ZNF385B: variants seen among roughly 807,000 people sequenced by gnomAD.
ZNF385B encodes zinc finger protein 533.
A neutral mutation model predicts 39.2 loss-of-function variants in ZNF385B; 23 were observed. That is an observed-to-expected ratio of 0.59 (90% confidence interval 0.42 to 0.83). The LOEUF (loss-of-function observed/expected upper bound fraction) is 0.83. ZNF385B is among the 40% of genes least tolerant of loss of function. The pLI, the probability that ZNF385B is intolerant of heterozygous loss-of-function variation, is 0.00. For synonymous variants in ZNF385B, 205 were observed against 222.6 expected, an observed-to-expected ratio of 0.92 and a Z score of 0.70; for missense variants, 552 against 598.9, an observed-to-expected ratio of 0.92 and a Z score of 0.82.
intron 3 of ZNF385B, among the ~76,000 whole-genome samples, chr2:179,611,887 T>A (rs1689319179): frequency 6.6e-6 from 1 of 152,106 alleles, no homozygotes; most frequent in Non-Finnish European, 1.5e-5. Context: ...CTTTTCCACC[T>A]CTAATTTTAT....
intron 1 of ZNF385B, among the ~76,000 whole-genome samples, chr2:179,850,773 A>C (rs1253697112): frequency 6.6e-6 from 1 of 152,150 alleles, no homozygotes. Context: ...TCGTGCTTAT[A>C]ATAAGGCTTG....
intron 3 of ZNF385B, among the ~76,000 whole-genome samples, chr2:179,699,876 G>C (rs149263121): frequency 1.2e-3 from 179 of 152,254 alleles, no homozygotes; most frequent in African/African-American, 4.2e-3. Context: ...AATAAACGAG[G>C]AAGAAAGAGT....
intron 3 of ZNF385B, among the ~76,000 whole-genome samples, chr2:179,743,602 G>GA (rs1421672047): frequency 6.6e-6 from 1 of 152,004 alleles, no homozygotes; most frequent in African/African-American, 2.4e-5. Flanking sequence ...ACAATGCAAA[G>GA]AATCAGCACA....
At chr2:179,609,232 C>G (rs1417899386) in intron 3 of ZNF385B, among the ~76,000 whole-genome samples, 2 of 152,124 alleles carry the variant, frequency 1.3e-5, no homozygotes, top group African/African-American at 4.8e-5. Context: ...CTACCCTTCC[C>G]AGCCTCTGGT....
At chr2:179,644,138 A>G (rs1692509707) in intron 3 of ZNF385B, among the ~76,000 whole-genome samples, 1 of 152,132 alleles carries the variant, frequency 6.6e-6, no homozygotes, top group South Asian at 2.1e-4. Context: ...GTTTGCTTCC[A>G]GTTTGGCTTC....
chr2:179,496,039 C>T (rs1184843740), intron 5 of ZNF385B, among the ~76,000 whole-genome samples: 2 of 152,030 alleles, frequency 1.3e-5, no homozygotes, highest in Admixed American at 1.3e-4. Context: ...CAGTTTCAGA[C>T]ACAGAATTGT....
intron 1 of ZNF385B, among the ~76,000 whole-genome samples, chr2:179,787,065 T>C (rs1443181749): frequency 6.6e-6 from 1 of 152,268 alleles, no homozygotes; most frequent in South Asian, 2.1e-4. Context: ...TTCCTATTCA[T>C]GACCTTTGTT....
intron 1 of ZNF385B, among the ~76,000 whole-genome samples, chr2:179,805,281 C>T (rs1389312693): frequency 6.6e-6 from 1 of 152,134 alleles, no homozygotes; most frequent in African/African-American, 2.4e-5. Context: ...ATGAAACATC[C>T]TGGATGGTCC....
At chr2:179,856,732 A>T (rs1384606549) in intron 1 of ZNF385B, among the ~76,000 whole-genome samples, 1 of 150,360 alleles carries the variant, frequency 6.7e-6, no homozygotes, top group Non-Finnish European at 1.5e-5. Context: ...AAGCAACGCA[A>T]CTGGCCAGAG....
intron 3 of ZNF385B, among the ~76,000 whole-genome samples, chr2:179,566,580 G>T (rs1328527339): frequency 6.6e-6 from 1 of 152,188 alleles, no homozygotes; most frequent in Non-Finnish European, 1.5e-5. Flanking sequence ...GGATGAACGT[G>T]ACTTGGTTAA....
chr2:179,679,027 T>A (rs115418976), intron 3 of ZNF385B, among the ~76,000 whole-genome samples: 1 of 152,194 alleles, frequency 6.6e-6, no homozygotes, highest in African/African-American at 2.4e-5. Flanking sequence ...GAACACTTTG[T>A]ATTCTCAATG....
chr2:179,804,628 T>C (rs529157712), intron 1 of ZNF385B, among the ~76,000 whole-genome samples: 2 of 152,310 alleles, frequency 1.3e-5, no homozygotes, highest in South Asian at 2.1e-4. Flanking sequence ...ATTGAGATAA[T>C]AGTAGTCTCT....
intron 3 of ZNF385B, among the ~76,000 whole-genome samples, chr2:179,657,866 G>C (rs1693976450): frequency 6.6e-6 from 1 of 152,124 alleles, no homozygotes; most frequent in Non-Finnish European, 1.5e-5. Context: ...AGTGCAGAAA[G>C]GACAAGTAGT....
chr2:179,792,823 G>C (rs1462577110), intron 1 of ZNF385B, among the ~76,000 whole-genome samples: 3 of 152,092 alleles, frequency 2.0e-5, no homozygotes, highest in African/African-American at 7.2e-5. Context: ...GGGAAGGGAA[G>C]GGAAAGGGAA....
intron 1 of ZNF385B, among the ~76,000 whole-genome samples, chr2:179,853,024 A>G (rs762409824): frequency 3.3e-5 from 5 of 152,218 alleles, no homozygotes; most frequent in Admixed American, 6.5e-5. Context: ...TTGACCCTTA[A>G]GAACCATACA....
intron 1 of ZNF385B, among the ~76,000 whole-genome samples, chr2:179,858,216 T>A (rs1575608232): frequency 6.6e-6 from 1 of 152,298 alleles, no homozygotes; most frequent in Non-Finnish European, 1.5e-5. Context: ...TGGGACTTTG[T>A]GAATTTTATG....
intron 3 of ZNF385B, among the ~76,000 whole-genome samples, chr2:179,596,478 T>G (rs1426815850): frequency 6.6e-6 from 1 of 152,198 alleles, no homozygotes; most frequent in African/African-American, 2.4e-5. Context: ...GACACAGAGA[T>G]GTTCTCTATC....
chr2:179,814,728 C>T lies in ZNF385B; in HGVS notation c.-154-44056G>A, dbSNP rs531684006. On this transcript the variant is annotated intron_variant, in intron 1 of 9. Transcript: ENST00000410066. ...TTGTGGAGGCCTTTTCATGTAGAAA[C>T]CTTTTAAACTATTTCAAGCCTTTGG... 2.4e-4 allele frequency: 51 copies of T among 209,828 alleles called. 1 individual carries two copies. In the South Asian group the frequency reaches 3.6e-3, roughly 15 times the overall value. 13.0% of individuals were successfully genotyped at this position (209,828 alleles called of 1,614,324 possible). A position where few individuals can be genotyped will look rare whatever the true frequency, so the allele number is the denominator to read the frequency against.
At chr2:179,629,463 TA>T (rs59678357) in intron 3 of ZNF385B, among the ~76,000 whole-genome samples, 27,733 of 152,116 alleles carry the variant, frequency 0.18, 3,171 homozygotes, top group South Asian at 0.28. Context: ...TATATATGAA[TA>T]GAGCATTGGG....
Sources: gnomAD v4.1 joint callset for allele counts (sites outside exome capture counted in the v4.1 genomes callset) on GRCh38, gnomAD v4.1.1 for gene constraint, MANE v1.5 for transcripts, NCBI Gene and HGNC (gene_info 2026-07-23, HGNC 2026-07-21) for gene names.